Variants in ZNF138 observed in about 807,000 individuals in gnomAD.
ZNF138 encodes zinc finger protein 138 (clone pHZ-32).
ZNF138 carries 33 observed loss-of-function variants against 33.0 expected under a neutral mutation model. That is an observed-to-expected ratio of 1.00 (90% CI 0.76 to 1.34). The LOEUF (loss-of-function observed/expected upper bound fraction) is 1.34, where lower values mean the gene tolerates loss of function less well. Among genes scored for constraint, ZNF138 ranks in the 40% most tolerant of loss-of-function variants. ZNF138 has a pLI of 0.00. For missense variants in ZNF138, 360 were observed against 370.8 expected, an observed-to-expected ratio of 0.97 and a Z score of 0.24; for synonymous variants, 139 against 120.4, an observed-to-expected ratio of 1.15 and a Z score of -1.01.
At chr7:64,810,799 C>T (rs1331562089) in intron 1 of ZNF138, among the ~76,000 whole-genome samples, 9 of 152,158 alleles carry the variant, frequency 5.9e-5, no homozygotes, top group Non-Finnish European at 1.3e-4. Flanking sequence ...TCTTGCCTCA[C>T]AGAACTGATT....
At chr7:64,834,158 T>TC (rs56680818), downstream of ZNF138, among the ~76,000 whole-genome samples, 150,123 of 152,344 alleles carry the variant, frequency 0.99, 74,007 homozygotes, top group East Asian at 1. Flanking sequence ...AAGCAGTTGC[T>TC]CAAACTTCGT....
intron 1 of ZNF138, among the ~76,000 whole-genome samples, chr7:64,796,128 C>T (rs940833925): frequency 1.3e-5 from 2 of 152,162 alleles, no homozygotes; most frequent in African/African-American, 4.8e-5. Context: ...GAGGGGAGAA[C>T]ACAGAAATAA....
chr7:64,808,738 G>A (rs1413627027), intron 1 of ZNF138, among the ~76,000 whole-genome samples: 4 of 139,074 alleles, frequency 2.9e-5, no homozygotes, highest in African/African-American at 7.5e-5. Context: ...AGGACCCTGC[G>A]GCCTTCCGCA....
At chr7:64,838,626 T>C (rs530127538), downstream of ZNF138, among the ~76,000 whole-genome samples, 2 of 152,284 alleles carry the variant, frequency 1.3e-5, no homozygotes, top group Admixed American at 6.5e-5. Flanking sequence ...CCAGCTTTAC[T>C]AAGTCCTGGA....
rs542240449 is a variant in ZNF138, at chr7:64,811,043, C to A, written c.4-3875C>A. Among the ~76,000 whole-genome samples, 3 of 152,254 alleles carry A rather than the reference C, an allele frequency of 2.0e-5. No individual in the cohort carries two copies. The South Asian group carries it at 6.2e-4, about 31-fold the overall frequency. On this transcript the variant is annotated intron_variant, in intron 1 of 3. Transcript: ENST00000307355. ...AGTCAGAAAAAAGTAAATATAAACACAATAAAAATTTCTCTAAGCTGCATT... is the reference window on the plus strand; with the variant it reads ...AGTCAGAAAAAAGTAAATATAAACAAAATAAAAATTTCTCTAAGCTGCATT...
intron 1 of ZNF138, among the ~76,000 whole-genome samples, chr7:64,804,318 A>C (rs1011712434): frequency 3.9e-5 from 6 of 152,174 alleles, no homozygotes; most frequent in African/African-American, 9.6e-5. Context: ...TTACCGGTGC[A>C]TGCAGCCCCC....
chr7:64,841,891 GATTAA>G, the ZNF138 span, among the ~76,000 whole-genome samples: 1 of 152,116 alleles, frequency 6.6e-6, no homozygotes, highest in Admixed American at 6.6e-5. Context: ...TAGATCAGAG[GATTAA>G]ATAACTTAGC....
At chr7:64,817,736 C>G (rs1041079078) in intron 3 of ZNF138, among the ~76,000 whole-genome samples, 3 of 151,854 alleles carry the variant, frequency 2.0e-5, no homozygotes, top group Non-Finnish European at 4.4e-5. Context: ...TCCATTTTAC[C>G]GATATAACTC....
chr7:64,796,608 C>G (rs1264521375), intron 1 of ZNF138, among the ~76,000 whole-genome samples: 1 of 152,150 alleles, frequency 6.6e-6, no homozygotes, highest in South Asian at 2.1e-4. Context: ...CTTTTTCTTT[C>G]CCAGACTGAG....
chr7:64,820,160 A>G (rs1479455295), intron 3 of ZNF138, among the ~76,000 whole-genome samples: 3 of 151,908 alleles, frequency 2.0e-5, no homozygotes, highest in African/African-American at 7.3e-5. Context: ...TTGTGAAACT[A>G]AAATTTAATA....
intron 1 of ZNF138, among the ~76,000 whole-genome samples, chr7:64,804,190 C>T (rs191143979): frequency 6.6e-6 from 1 of 152,312 alleles, no homozygotes; most frequent in African/African-American, 2.4e-5. Context: ...CGGCGCCACA[C>T]CGTGGGCCTG....
At position 64,831,569 on chromosome 7, in the gene ZNF138, A is replaced by G. The variant is rs1163265196; in HGVS notation, c.327A>G (p.Lys109=). 1 of 1,613,598 alleles carries G rather than the reference A, an allele frequency of 6.2e-7. No individual in the cohort carries two copies. Among genetic ancestry groups the G allele is most frequent in the Admixed American group, 1.7e-5 (1 of 59,952 alleles). Reference sequence around the variant, plus strand: ...GACATAAGAATTTACAGTTAAGAAAAGGCTGTAAAAGTGTGGATGAGTGTA... The same window carrying G: ...GACATAAGAATTTACAGTTAAGAAAGGGCTGTAAAAGTGTGGATGAGTGTA... The part of the protein sequence containing the change: ...KYGHKNLQLR[K]GCKSVDECKG... Residue 109 remains lysine (K), a synonymous_variant, in exon 4 of 4, where the codon AAA becomes AAG. Transcript: ENST00000307355.
the ZNF138 span, among the ~76,000 whole-genome samples, chr7:64,842,459 A>G: frequency 2.6e-5 from 4 of 152,222 alleles, no homozygotes; most frequent in South Asian, 4.1e-4. Flanking sequence ...GTCCATATTG[A>G]TATTACAACT....
chr7:64,824,782 C>G (rs554965951), intron 3 of ZNF138, among the ~76,000 whole-genome samples: 1 of 152,194 alleles, frequency 6.6e-6, no homozygotes, highest in South Asian at 2.1e-4. Context: ...GACTTCCTCA[C>G]GCAATTGTGG....
At chr7:64,845,868 G>T in the ZNF138 span, among the ~76,000 whole-genome samples, 3 of 152,102 alleles carry the variant, frequency 2.0e-5, no homozygotes, top group African/African-American at 7.2e-5. Flanking sequence ...CCCACTCTGG[G>T]TTTTTGTTTA....
In ZNF138 at chr7:64,825,265, C is replaced by T. The variant is rs528064458; in HGVS notation, c.209-6186C>T. ...TCGGCTCACTGCAAGCTCTGCCTCC[C>T]GGGTTCACGCCATTCTTCTGCCTCA... On this transcript the variant is annotated intron_variant, in intron 3 of 3. Transcript: ENST00000307355. 3.3e-3 allele frequency among the ~76,000 whole-genome samples: 461 copies of T among 139,620 alleles called. 4 individuals carry two copies. Among genetic ancestry groups the T allele is most frequent in the Non-Finnish European group, 5.4e-3 (353 of 65,830 alleles). The allele number at this position is 139,620 out of a possible 152,430, so 91.6% of individuals were successfully genotyped here.
In ZNF138 at chr7:64,814,951, T is replaced by C; in HGVS notation, c.37T>C (p.Phe13Leu). The part of the protein sequence containing the change: ...PLTFMDVAIE[F>L]SLEEWQCLDT... ...GACATTTATGGATGTGGCCATAGAG[T>C]TCTCTTTGGAGGAGTGGCAGTGCCT... Residue 13 changes from phenylalanine to leucine, a missense_variant, in exon 2 of 4, where the codon TTC (phenylalanine) becomes CTC (leucine). By Grantham distance (22) the Phe-to-Leu change is conservative. Transcript: ENST00000307355. 6.2e-7 allele frequency: 1 copy of C among 1,613,280 alleles called. No individual in the cohort carries two copies. Among genetic ancestry groups the C allele is most frequent in the Non-Finnish European group, 8.5e-7 (1 of 1,179,508 alleles).
At chr7:64,825,871 C>T (rs62456843) in intron 3 of ZNF138, among the ~76,000 whole-genome samples, 6,691 of 152,120 alleles carry the variant, frequency 0.044, 200 homozygotes, top group East Asian at 0.14. Flanking sequence ...TGTTACACTT[C>T]GTCAATCAGG....
At chr7:64,852,556 C>G in the ZNF138 span, 1 of 1,569,798 alleles carries the variant, frequency 6.4e-7, no homozygotes, top group Non-Finnish European at 8.8e-7. Flanking sequence ...GGGACTTTAT[C>G]TCTGCACAGA....
Sources: allele counts gnomAD v4.1 joint callset (sites outside exome capture counted in the v4.1 genomes callset), GRCh38; gene constraint gnomAD v4.1.1; transcripts MANE v1.5; gene names NCBI Gene and HGNC (gene_info 2026-07-23, HGNC 2026-07-21).